Variants in DENND2B observed in about 807,000 individuals in gnomAD.
DENND2B encodes the protein DENN domain containing 2B, also known as DENN domain-containing protein 2B.
DENND2B carries 32 observed loss-of-function variants against 116.0 expected under a neutral mutation model. That is an observed-to-expected ratio of 0.28 (90% CI 0.21 to 0.37). The LOEUF is 0.37. Among genes scored for constraint, DENND2B ranks in the 10% least tolerant of loss-of-function variants. The pLI is 1.00. For synonymous variants in DENND2B, 588 were observed against 583.9 expected, an observed-to-expected ratio of 1.01 and a Z score of -0.10; for missense variants, 1,276 against 1,477.7, an observed-to-expected ratio of 0.86 and a Z score of 2.24.
At chr11:8,863,310 G>A (rs1273532475) in intron 2 of DENND2B, among the ~76,000 whole-genome samples, 1 of 120,928 alleles carries the variant, frequency 8.3e-6, no homozygotes, top group South Asian at 3.2e-4. Flanking sequence ...AGGCTGGAGT[G>A]CAGTGGCACG....
At chr11:8,903,643 A>G (rs574661861) in intron 1 of DENND2B, among the ~76,000 whole-genome samples, 14 of 152,182 alleles carry the variant, frequency 9.2e-5, no homozygotes, top group African/African-American at 2.9e-4. Context: ...AACTGACTCA[A>G]GATGGAATAG....
intron 19 of DENND2B, among the ~76,000 whole-genome samples, 153 bp from the exon 20 acceptor site, chr11:8,694,283 C>T (rs879118158): frequency 2.6e-5 from 4 of 152,182 alleles, no homozygotes; most frequent in Non-Finnish European, 4.4e-5. Context: ...AGTGAAAACA[C>T]GTGAGAGCTC....
upstream of DENND2B, among the ~76,000 whole-genome samples, chr11:8,875,011 GTGGTT>G: frequency 1.3e-5 from 2 of 152,112 alleles, no homozygotes; most frequent in Non-Finnish European, 2.9e-5. Context: ...ACTGGGAAAG[GTGGTT>G]AGCCTAGATG....
upstream of DENND2B, among the ~76,000 whole-genome samples, chr11:8,872,299 C>T (rs2134713480): frequency 6.6e-6 from 1 of 152,064 alleles, no homozygotes; most frequent in Admixed American, 6.5e-5. Context: ...CCAGCCTGGC[C>T]AACATGGTGA....
chr11:8,791,848 C>T (rs2059408365), intron 1 of DENND2B, among the ~76,000 whole-genome samples: 2 of 151,960 alleles, frequency 1.3e-5, no homozygotes, highest in African/African-American at 4.8e-5. Flanking sequence ...AAGAAGTTCA[C>T]AAATTTTTAG....
At chr11:8,812,777 G>A (rs950495601), upstream of DENND2B, among the ~76,000 whole-genome samples, 2 of 152,158 alleles carry the variant, frequency 1.3e-5, no homozygotes, top group African/African-American at 4.8e-5. Flanking sequence ...GCACTCTCAA[G>A]TCAGGAACTG....
At chr11:8,780,503 A>G (rs1382695425) in intron 1 of DENND2B, among the ~76,000 whole-genome samples, 2 of 152,220 alleles carry the variant, frequency 1.3e-5, no homozygotes, top group Non-Finnish European at 2.9e-5. Flanking sequence ...AGATAGAACT[A>G]CATGCACAAG....
chr11:8,715,925 C>T, intron 5 of DENND2B, 107 bp from the exon 6 acceptor site: 1 of 1,042,666 alleles, frequency 9.6e-7, no homozygotes, highest in East Asian at 2.6e-5. Context: ...ATCCCTGGAT[C>T]CCCGCCATCT....
At chr11:8,853,589 A>C (rs1251200607) in intron 3 of DENND2B, among the ~76,000 whole-genome samples, 1 of 152,200 alleles carries the variant, frequency 6.6e-6, no homozygotes, top group Admixed American at 6.5e-5. Flanking sequence ...GACTAAGACT[A>C]TGGGGAAATC....
chr11:8,738,667 A>C (rs1373136939), intron 2 of DENND2B, among the ~76,000 whole-genome samples: 1 of 152,180 alleles, frequency 6.6e-6, no homozygotes, highest in East Asian at 1.9e-4. Flanking sequence ...GTGTTAAAGC[A>C]GTTTTGATCC....
Position 8,829,487 on chromosome 11 carries a change from C to T in DENND2B, c.-115+9823G>A, listed in dbSNP as rs564374244. Among the ~76,000 whole-genome samples the T allele has an allele frequency of 9.3e-4, 141 of 152,206 alleles. No individual in the cohort carries two copies. The Middle Eastern group carries it at 0.02, about 22-fold the overall frequency. ...TATTCATATACATTATTTTTGTGCA[C>T]TCCTATGAATCTGAGAACTAGAAGG... On this transcript the variant is annotated intron_variant, in intron 4 of 6. Coordinates refer to the DENND2B transcript ENST00000524757.
At chr11:8,761,437 T>C (rs908706793) in intron 1 of DENND2B, among the ~76,000 whole-genome samples, 2 of 152,196 alleles carry the variant, frequency 1.3e-5, no homozygotes, top group African/African-American at 4.8e-5. Context: ...AAGGAGAACA[T>C]GGTGGGTCCT....
rs556817725 is a variant in DENND2B, at chr11:8,908,220, T to A, written c.-256+2601A>T. ...GATTGGAAAAGTACACACAAAAAAT[T>A]TTTTTAAGGCTATGGCAACAGAGGT... On this transcript the variant is annotated intron_variant, in intron 1 of 22. Transcript: ENST00000534127. Among the ~76,000 whole-genome samples, 4 of 152,250 alleles carry A rather than the reference T, an allele frequency of 2.6e-5. No homozygotes were observed. In the East Asian group the frequency reaches 5.8e-4, roughly 22 times the overall value.
chr11:8,809,762 T>C (rs2061220092), intron 1 of DENND2B: 1 of 152,248 alleles, frequency 6.6e-6, no homozygotes, highest in South Asian at 2.1e-4. Context: ...CAGTGCCTCA[T>C]GTTCCCCAGC....
intron 4 of DENND2B, among the ~76,000 whole-genome samples, chr11:8,725,360 C>A (rs949309557): frequency 4.6e-5 from 6 of 131,310 alleles, no homozygotes; most frequent in Non-Finnish European, 7.8e-5. Flanking sequence ...CTAACAATAA[C>A]CTTATGAAAT....
At chr11:8,765,480 G>A (rs1379875315) in intron 1 of DENND2B, among the ~76,000 whole-genome samples, 6 of 152,162 alleles carry the variant, frequency 3.9e-5, no homozygotes, top group South Asian at 2.1e-4. Flanking sequence ...CATTCTTTTC[G>A]ATGATGTCAT....
At chr11:8,829,015 A>G in intron 4 of DENND2B, among the ~76,000 whole-genome samples, 1 of 127,612 alleles carries the variant, frequency 7.8e-6, no homozygotes, top group Non-Finnish European at 1.7e-5. Context: ...GTATGTGTGG[A>G]GTGTGTTGTG....
chr11:8,857,805 C>T (rs1458473433), intron 2 of DENND2B, among the ~76,000 whole-genome samples: 1 of 152,210 alleles, frequency 6.6e-6, no homozygotes, highest in African/African-American at 2.4e-5. Context: ...GCAGGTCCTA[C>T]ACCTCTCTGG....
At chr11:8,804,693 C>T (rs1394515112) in intron 1 of DENND2B, among the ~76,000 whole-genome samples, 2 of 151,976 alleles carry the variant, frequency 1.3e-5, no homozygotes, top group African/African-American at 2.4e-5. Context: ...TACTGATACA[C>T]ACCACTATGC....
Sources: gnomAD v4.1 joint callset for allele counts (sites outside exome capture counted in the v4.1 genomes callset) on GRCh38, gnomAD v4.1.1 for gene constraint, MANE v1.5 for transcripts, NCBI Gene and HGNC (gene_info 2026-07-23, HGNC 2026-07-21) for gene names.